Variants in TMEM132D observed in about 807,000 individuals in gnomAD.
The protein encoded by TMEM132D is mature OL transmembrane protein.
TMEM132D carries 21 observed loss-of-function variants against 62.3 expected under a neutral mutation model. That is an observed-to-expected ratio of 0.34 (90% CI 0.24 to 0.49). TMEM132D has a LOEUF of 0.49. Ranked by LOEUF, TMEM132D falls within the 20% of genes least tolerant of loss-of-function variation. The pLI is 0.99. For missense variants in TMEM132D, 1,346 were observed against 1,402.8 expected (o/e 0.96, Z 0.65); for synonymous variants, 621 against 575.6 (o/e 1.08, Z -1.13).
intron 2 of TMEM132D, among the ~76,000 whole-genome samples, chr12:129,633,575 C>T (rs939981858): frequency 1.3e-5 from 2 of 152,094 alleles, no homozygotes; most frequent in African/African-American, 2.4e-5. Context: ...TGATTCACAC[C>T]CGGAGCCTTC....
intron 3 of TMEM132D, among the ~76,000 whole-genome samples, chr12:129,491,374 C>T (rs967196287): frequency 1.3e-5 from 2 of 152,192 alleles, no homozygotes; most frequent in African/African-American, 2.4e-5. Flanking sequence ...ATTTTCTTTT[C>T]GTTGTGGCCC....
intron 3 of TMEM132D, among the ~76,000 whole-genome samples, chr12:129,377,827 TC>T (rs1405066012): frequency 6.6e-6 from 1 of 152,224 alleles, no homozygotes; most frequent in Admixed American, 6.5e-5. Context: ...TTTTCCTTTT[TC>T]CCATCCATAT....
At chr12:129,716,877 A>G (rs1157356949) in intron 1 of TMEM132D, among the ~76,000 whole-genome samples, 3 of 152,256 alleles carry the variant, frequency 2.0e-5, no homozygotes, top group African/African-American at 7.2e-5. Context: ...GAAGACAACT[A>G]TAAACGAACA....
chr12:129,472,823 G>A (rs1206044884), intron 3 of TMEM132D, among the ~76,000 whole-genome samples: 3 of 152,010 alleles, frequency 2.0e-5, no homozygotes, highest in Non-Finnish European at 4.4e-5. Flanking sequence ...AATCTTTCAT[G>A]AAAACAAGAG....
chr12:129,102,632 C>T (rs1414681568), intron 5 of TMEM132D, among the ~76,000 whole-genome samples: 1 of 152,216 alleles, frequency 6.6e-6, no homozygotes, highest in Non-Finnish European at 1.5e-5. Flanking sequence ...ACTGATGTTT[C>T]TTCTGCTACC....
chr12:129,701,590 C>T (rs564354152), intron 1 of TMEM132D, among the ~76,000 whole-genome samples: 47 of 152,218 alleles, frequency 3.1e-4, no homozygotes, highest in Non-Finnish European at 5.3e-4. Context: ...CCGCACTGAA[C>T]GTATCTCTCC....
intron 2 of TMEM132D, among the ~76,000 whole-genome samples, chr12:129,605,604 T>TACACAC (rs1555221323): frequency 5.9e-4 from 63 of 106,146 alleles, no homozygotes; most frequent in East Asian, 6.9e-4. Flanking sequence ...TATATATATA[T>TACACAC]ACACACACAT....
At chr12:129,547,885 C>T (rs55742703) in intron 2 of TMEM132D, among the ~76,000 whole-genome samples, 44,268 of 152,014 alleles carry the variant, frequency 0.29, 7,103 homozygotes, top group East Asian at 0.52. Context: ...CCAAGTCACA[C>T]AGCTAGTGGG....
At chr12:129,818,137 CATGTGTGTGTGTGGTATAAGGTGT>C (rs1565996608) in intron 1 of TMEM132D, among the ~76,000 whole-genome samples, 3 of 114,894 alleles carry the variant, frequency 2.6e-5, no homozygotes, top group Non-Finnish European at 5.3e-5. Context: ...TTGGGTTGTG[CATGTGTGTGTGTGGTATAAGGTGT>C]ATGTGTGTGT....
intron 5 of TMEM132D, among the ~76,000 whole-genome samples, chr12:129,190,503 GGTCTC>G (rs1878362230): frequency 5.1e-5 from 1 of 19,606 alleles, no homozygotes; most frequent in African/African-American, 1.6e-4. Flanking sequence ...TGGAGGGAGG[GGTCTC>G]AGGCCTGCAG....
intron 1 of TMEM132D, among the ~76,000 whole-genome samples, chr12:129,749,291 G>A (rs897991099): frequency 6.6e-6 from 1 of 152,150 alleles, no homozygotes; most frequent in Admixed American, 6.5e-5. Context: ...GAGCCTCCTC[G>A]CTGAACTACG....
At chr12:129,692,557 T>G (rs1360078917) in intron 2 of TMEM132D, among the ~76,000 whole-genome samples, 1 of 152,226 alleles carries the variant, frequency 6.6e-6, no homozygotes, top group Non-Finnish European at 1.5e-5. Context: ...ATTGCAGCAC[T>G]ATTCACACTA....
At chr12:129,595,204 T>C (rs55655444) in intron 2 of TMEM132D, among the ~76,000 whole-genome samples, 9,247 of 152,288 alleles carry the variant, frequency 0.061, 427 homozygotes, top group South Asian at 0.17. Flanking sequence ...TACTGAGTGC[T>C]TATCTTGTAC....
intron 1 of TMEM132D, among the ~76,000 whole-genome samples, chr12:129,868,966 C>T (rs1373777588): frequency 7.2e-5 from 11 of 152,138 alleles, no homozygotes; most frequent in Admixed American, 6.5e-4. Flanking sequence ...AGAATCTGAA[C>T]TCTGCTTAGC....
At chr12:129,420,384 C>T (rs938048475) in intron 3 of TMEM132D, among the ~76,000 whole-genome samples, 5 of 137,818 alleles carry the variant, frequency 3.6e-5, no homozygotes, top group African/African-American at 1.1e-4. Flanking sequence ...ATCTTTCCTA[C>T]AAAACCTGCT....
chr12:129,106,755 G>T (rs1565966028), intron 5 of TMEM132D, among the ~76,000 whole-genome samples: 1 of 152,114 alleles, frequency 6.6e-6, no homozygotes, highest in Non-Finnish European at 1.5e-5. Context: ...AGAAGCGATG[G>T]GTGTCACCTC....
At chr12:129,879,893 A>G (rs1353679848) in intron 1 of TMEM132D, among the ~76,000 whole-genome samples, 4 of 152,160 alleles carry the variant, frequency 2.6e-5, no homozygotes, top group Non-Finnish European at 5.9e-5. Flanking sequence ...GAAACAGTCT[A>G]GCATACTTGC....
At chr12:129,829,654 G>A (rs1348070472) in intron 1 of TMEM132D, among the ~76,000 whole-genome samples, 1 of 152,156 alleles carries the variant, frequency 6.6e-6, no homozygotes, top group Non-Finnish European at 1.5e-5. Flanking sequence ...GCCAGGAAAT[G>A]CCAGGACTAA....
intron 3 of TMEM132D, among the ~76,000 whole-genome samples, chr12:129,378,140 T>G (rs1870837501): frequency 6.6e-6 from 1 of 152,210 alleles, no homozygotes; most frequent in Non-Finnish European, 1.5e-5. Context: ...AATCATTTCC[T>G]CAAAGTGAAA....
Sources: gnomAD v4.1 joint callset for allele counts (sites outside exome capture counted in the v4.1 genomes callset) on GRCh38, gnomAD v4.1.1 for gene constraint, MANE v1.5 for transcripts, NCBI Gene and HGNC (gene_info 2026-07-23, HGNC 2026-07-21) for gene names.